The following ERMP1 variants were observed in gnomAD, a reference collection of about 807,000 sequenced individuals.
The protein encoded by ERMP1 is Felix-ina.
Under a neutral mutation model 92.0 loss-of-function variants are expected in ERMP1, and 86 were observed. That is an observed-to-expected ratio of 0.93 (90% confidence interval 0.79 to 1.12). The LOEUF (loss-of-function observed/expected upper bound fraction) is 1.12, where lower values mean the gene tolerates loss of function less well. Ranked by LOEUF, ERMP1 falls within the 50% of genes most tolerant of loss-of-function variation. ERMP1 has a pLI of 0.00. For synonymous variants in ERMP1, 530 were observed against 412.8 expected (o/e 1.28, Z -3.44); for missense variants, 1,342 against 1,116.3 (o/e 1.20, Z -2.88).
intron 10 of ERMP1, among the ~76,000 whole-genome samples, chr9:5,802,654 G>A (rs1486079919): frequency 6.6e-6 from 1 of 152,196 alleles, no homozygotes; most frequent in Non-Finnish European, 1.5e-5. Context: ...CCAAAGTGCT[G>A]GGATTACAGG....
In ERMP1 at chr9:5,785,603, A is replaced by G. The variant is rs1372890627; in HGVS notation, c.*1541T>C. 1.3e-5 allele frequency: 2 copies of G among 152,682 alleles called. No homozygotes were observed. Among genetic ancestry groups the G allele is most frequent in the African/African-American group, 4.8e-5 (2 of 41,446 alleles). 9.5% of individuals were successfully genotyped at this position (152,682 alleles called of 1,614,324 possible). Reference sequence around the variant, plus strand: ...TTAGGGAGTCACAGATTAGGCAGGCAACGAGGGGCATGATTTAAAAAGCAC... The same window carrying G: ...TTAGGGAGTCACAGATTAGGCAGGCGACGAGGGGCATGATTTAAAAAGCAC... On this transcript the variant is annotated 3_prime_UTR_variant, in exon 15 of 15. Coordinates refer to ENST00000339450, the MANE Select transcript of ERMP1 (RefSeq NM_024896.3).
intron 6 of ERMP1, among the ~76,000 whole-genome samples, chr9:5,855,311 A>G (rs1830360051): frequency 6.6e-6 from 1 of 152,244 alleles, no homozygotes; most frequent in Non-Finnish European, 1.5e-5. Flanking sequence ...TAGTCACTCC[A>G]GACCACTGAG....
At chr9:5,864,191 T>C (rs1475327902) in intron 5 of ERMP1, among the ~76,000 whole-genome samples, 1 of 152,234 alleles carries the variant, frequency 6.6e-6, no homozygotes, top group Admixed American at 6.5e-5. Context: ...TCAATGAAGT[T>C]GAACATTTTC....
rs761736144 is a variant in ERMP1 at position 5,784,938 on chromosome 9, AATT to A, written c.*2203_*2205del. On this transcript the variant is annotated 3_prime_UTR_variant, in exon 15 of 15. Coordinates refer to ENST00000339450, the MANE Select transcript of ERMP1 (RefSeq NM_024896.3). ...TAGAGCTTGAAAAGACCCTTTTAGAAATTATTTAAATGATCACTCTTTAAAAAT... is the reference window on the plus strand; with the variant it reads ...TAGAGCTTGAAAAGACCCTTTTAGAAATTTAAATGATCACTCTTTAAAAAT... 14 of 152,166 alleles carry A rather than the reference AATT, an allele frequency of 9.2e-5. No individual in the cohort carries two copies. Among genetic ancestry groups the A allele is most frequent in the Non-Finnish European group, 1.9e-4 (13 of 68,034 alleles). The allele number at this position is 152,166 out of a possible 1,614,324, so 9.4% of individuals were successfully genotyped here.
chr9:5,841,954 G>A (rs1830168610), intron 6 of ERMP1, among the ~76,000 whole-genome samples: 1 of 152,146 alleles, frequency 6.6e-6, no homozygotes, highest in Non-Finnish European at 1.5e-5. Flanking sequence ...TCTTAAAGGT[G>A]GCGCATCCGG....
At chr9:5,821,860 G>C (rs149019996) in intron 4 of ERMP1, among the ~76,000 whole-genome samples, 2 of 152,322 alleles carry the variant, frequency 1.3e-5, no homozygotes, top group Non-Finnish European at 2.9e-5. Context: ...CAATAGGAAA[G>C]AAGACTGAGT....
chr9:5,833,095 C>A lies in ERMP1; in HGVS notation c.-68G>T. On this transcript the variant is annotated 5_prime_UTR_variant, in exon 1 of 15. Transcript: ENST00000339450. ...ACAGCCCCGGCCGCCGCCGACGCCG[C>A]CGTCGCTGCCGCAGCGCCTCCTAGT... is the stretch of plus-strand genomic sequence containing the variant. 7.5e-7 allele frequency: 1 copy of A among 1,325,892 alleles called. No homozygotes were observed. The highest frequency in any genetic ancestry group is 1.7e-5 in the South Asian group (1 of 59,234). 82.1% of individuals were successfully genotyped at this position (1,325,892 alleles called of 1,614,324 possible).
chr9:5,851,818 T>C (rs931455676), intron 6 of ERMP1, among the ~76,000 whole-genome samples: 4 of 152,144 alleles, frequency 2.6e-5, no homozygotes, highest in African/African-American at 4.8e-5. Flanking sequence ...GAAAACACTA[T>C]AATACTAAAT....
At chr9:5,811,977 G>C (rs1829113914) in intron 6 of ERMP1, 148 bp downstream of exon 6, 2 of 533,510 alleles carry the variant, frequency 3.7e-6, no homozygotes, top group Non-Finnish European at 6.7e-6. Flanking sequence ...TAAAATTCAA[G>C]ATCTCATCTC....
chr9:5,810,258 A>C, intron 7 of ERMP1, 27 bp from the exon 8 acceptor site: 1 of 1,544,746 alleles, frequency 6.5e-7, no homozygotes, highest in Non-Finnish European at 8.9e-7. Flanking sequence ...AAAAAGTTGA[A>C]ATCACCATCT....
At position 5,786,665 on chromosome 9, in the gene ERMP1, T is replaced by C. The variant is rs1025183245; in HGVS notation, c.*479A>G. 1 of 157,064 alleles carries C rather than the reference T, an allele frequency of 6.4e-6. No homozygotes were observed. Among genetic ancestry groups the C allele is most frequent in the African/African-American group, 2.4e-5 (1 of 41,504 alleles). 9.7% of individuals were successfully genotyped at this position (157,064 alleles called of 1,614,324 possible). A position where few individuals can be genotyped will look rare whatever the true frequency, so the allele number is the denominator to read the frequency against. On this transcript the variant is annotated 3_prime_UTR_variant, in exon 15 of 15. Transcript: ENST00000339450. Reference sequence around the variant, plus strand: ...TCTCTCCCAGCCCTATGGCAATCACTTTCCAGTGACCTACACAGAGTTATA... The same window carrying C: ...TCTCTCCCAGCCCTATGGCAATCACCTTCCAGTGACCTACACAGAGTTATA...
intron 11 of ERMP1, among the ~76,000 whole-genome samples, 183 bp from the exon 12 acceptor site, chr9:5,799,191 T>C (rs1828571258): frequency 6.6e-6 from 1 of 152,190 alleles, no homozygotes; most frequent in African/African-American, 2.4e-5. Flanking sequence ...AATAGATATA[T>C]AGATTATTGT....
At chr9:5,794,407 T>C (rs750207915) in intron 13 of ERMP1, among the ~76,000 whole-genome samples, 6 of 151,890 alleles carry the variant, frequency 4.0e-5, no homozygotes, top group Non-Finnish European at 8.8e-5. Flanking sequence ...AAATCCAAAG[T>C]AAACAGAAGA....
rs879031527 is a variant in ERMP1 at position 5,833,080 on chromosome 9, C to CCGCCGCCGACGCCGCCGA, written c.-54_-53insTCGGCGGCGTCGGCGGCG. The CCGCCGCCGACGCCGCCGA allele has an allele frequency of 1.9e-5, 26 of 1,364,398 alleles. 1 individual carries two copies. The highest frequency in any genetic ancestry group is 8.3e-5 in the South Asian group (5 of 60,402). The allele number at this position is 1,364,398 out of a possible 1,614,324, so 84.5% of individuals were successfully genotyped here. A position where few individuals can be genotyped will look rare whatever the true frequency, so the allele number is the denominator to read the frequency against. Reference sequence around the variant, plus strand: ...CCGCCCCAACCCGCGACAGCCCCGGCCGCCGCCGACGCCGCCGTCGCTGCC... The same window carrying CCGCCGCCGACGCCGCCGA: ...CCGCCCCAACCCGCGACAGCCCCGGCCGCCGCCGACGCCGCCGACGCCGCCGACGCCGCCGTCGCTGCC... On this transcript the variant is annotated 5_prime_UTR_variant, in exon 1 of 15. Coordinates refer to ENST00000339450, the MANE Select transcript of ERMP1 (RefSeq NM_024896.3).
At chr9:5,849,427 T>A (rs1022056758) in intron 6 of ERMP1, among the ~76,000 whole-genome samples, 5 of 152,182 alleles carry the variant, frequency 3.3e-5, no homozygotes, top group African/African-American at 1.2e-4. Context: ...GGAGGAGAAC[T>A]GACTTAGCCA....
upstream of ERMP1, among the ~76,000 whole-genome samples, chr9:5,834,781 A>AAATGCCTG (rs1229274208): frequency 7.1e-6 from 1 of 141,520 alleles, no homozygotes; most frequent in Non-Finnish European, 1.5e-5. Flanking sequence ...CATAATAGGG[A>AAATGCCTG]AATGCCTGGC....
At chr9:5,853,960 T>G (rs1184620198) in intron 6 of ERMP1, among the ~76,000 whole-genome samples, 1 of 151,704 alleles carries the variant, frequency 6.6e-6, no homozygotes, top group Admixed American at 6.6e-5. Flanking sequence ...AGGCATTCAT[T>G]TTATGGATGT....
At chr9:5,832,485 C>T in intron 1 of ERMP1, 1 of 477,380 alleles carries the variant, frequency 2.1e-6, no homozygotes, top group Non-Finnish European at 3.7e-6. Context: ...ACGAGCTTAA[C>T]CGGGGACAGG....
chr9:5,849,124 C>T (rs938350745), intron 6 of ERMP1, among the ~76,000 whole-genome samples: 1 of 152,152 alleles, frequency 6.6e-6, no homozygotes, highest in African/African-American at 2.4e-5. Context: ...CTGAGTTCAA[C>T]CAAGCCTCCT....
Sources: allele counts gnomAD v4.1 joint callset (sites outside exome capture counted in the v4.1 genomes callset), GRCh38; gene constraint gnomAD v4.1.1; transcripts MANE v1.5; gene names NCBI Gene and HGNC (gene_info 2026-07-23, HGNC 2026-07-21).